MARCHF3: variants seen among roughly 807,000 people sequenced by gnomAD.
MARCHF3 encodes E3 ubiquitin-protein ligase MARCHF3.
Under a neutral mutation model 24.2 loss-of-function variants are expected in MARCHF3, and 13 were observed. The observed-to-expected ratio is 0.54, with a 90% CI of 0.35 to 0.85. The LOEUF (loss-of-function observed/expected upper bound fraction) is 0.85. Among genes scored for constraint, MARCHF3 ranks in the 40% least tolerant of loss-of-function variants. The probability of loss-of-function intolerance (pLI) is 0.01; values close to 1 mark genes in which losing one functional copy is unlikely to be tolerated. For missense variants in MARCHF3, 276 were observed against 325.0 expected, an observed-to-expected ratio of 0.85 and a Z score of 1.16; for synonymous variants, 144 against 137.3, an observed-to-expected ratio of 1.05 and a Z score of -0.34.
At position 126,942,565 on chromosome 5, in the gene MARCHF3, A is replaced by G. The variant is rs543961588; in HGVS notation, c.-56-24338T>C. ...ATAAAGACATATAAATAAAATACAGAGAAATAACTATACACCAGACACAAT... is the reference window on the plus strand; with the variant it reads ...ATAAAGACATATAAATAAAATACAGGGAAATAACTATACACCAGACACAAT... On this transcript the variant is annotated intron_variant, in intron 1 of 4. Transcript: ENST00000308660. Among the ~76,000 whole-genome samples the G allele has an allele frequency of 2.2e-4, 33 of 152,362 alleles. No individual in the cohort carries two copies. In the South Asian group the frequency reaches 6.6e-3, roughly 31 times the overall value.
At chr5:126,989,529 G>C (rs1053695850) in intron 1 of MARCHF3, among the ~76,000 whole-genome samples, 2 of 152,042 alleles carry the variant, frequency 1.3e-5, no homozygotes, top group Non-Finnish European at 2.9e-5. Flanking sequence ...AATCTTGTTC[G>C]TGTCTAAGTG....
intron 3 of MARCHF3, among the ~76,000 whole-genome samples, chr5:126,900,137 T>A (rs892847281): frequency 2.6e-5 from 4 of 151,702 alleles, no homozygotes; most frequent in Non-Finnish European, 5.9e-5. Flanking sequence ...TTACTCATAA[T>A]TTTTTTTTCC....
chr5:126,916,130 C>T (rs1179044269), intron 2 of MARCHF3, among the ~76,000 whole-genome samples: 1 of 152,174 alleles, frequency 6.6e-6, no homozygotes, highest in Non-Finnish European at 1.5e-5. Flanking sequence ...ATAACTTGGC[C>T]CTCATCAGGT....
chr5:126,996,986 A>G (rs1482562259), intron 1 of MARCHF3, among the ~76,000 whole-genome samples: 1 of 152,162 alleles, frequency 6.6e-6, no homozygotes, highest in Admixed American at 6.5e-5. Flanking sequence ...TGAGGATAAG[A>G]GAAAGCAAAA....
chr5:126,886,927 T>A (rs925302469), intron 3 of MARCHF3, among the ~76,000 whole-genome samples: 76 of 152,304 alleles, frequency 5.0e-4, no homozygotes, highest in African/African-American at 1.8e-3. Context: ...ATGCTCTCAA[T>A]TCTTCCAGAA....
At chr5:126,900,006 A>G (rs1444109057) in intron 3 of MARCHF3, among the ~76,000 whole-genome samples, 1 of 152,112 alleles carries the variant, frequency 6.6e-6, no homozygotes, top group African/African-American at 2.4e-5. Context: ...TGAATCCACC[A>G]TTATAGTGCA....
intron 1 of MARCHF3, among the ~76,000 whole-genome samples, chr5:127,022,521 G>C (rs1752836867): frequency 6.6e-6 from 1 of 152,168 alleles, no homozygotes; most frequent in African/African-American, 2.4e-5. Context: ...TTAATAGTTA[G>C]GACACTGAAA....
At chr5:126,882,904 A>G (rs1168711473) in intron 3 of MARCHF3, among the ~76,000 whole-genome samples, 2 of 152,194 alleles carry the variant, frequency 1.3e-5, no homozygotes, top group East Asian at 1.9e-4. Context: ...AATAACTTAC[A>G]CAAGATTGGT....
intron 1 of MARCHF3, among the ~76,000 whole-genome samples, chr5:126,921,600 A>G (rs1415899794): frequency 6.6e-6 from 1 of 152,244 alleles, no homozygotes; most frequent in African/African-American, 2.4e-5. Context: ...TGGGTCTTCT[A>G]TTGAGCTTTC....
chr5:126,965,798 G>A (rs567730706), intron 1 of MARCHF3, among the ~76,000 whole-genome samples: 104 of 152,264 alleles, frequency 6.8e-4, no homozygotes, highest in African/African-American at 2.5e-3. Flanking sequence ...ATAAAATGGT[G>A]CAACTGTCTG....
intron 3 of MARCHF3, among the ~76,000 whole-genome samples, chr5:126,897,968 A>T (rs1580615065): frequency 6.6e-6 from 1 of 152,108 alleles, no homozygotes; most frequent in Non-Finnish European, 1.5e-5. Context: ...GTAGGATTCC[A>T]TTCATAGGAA....
intron 1 of MARCHF3, among the ~76,000 whole-genome samples, chr5:127,027,494 A>G (rs1055431256): frequency 9.9e-5 from 15 of 152,214 alleles, no homozygotes; most frequent in African/African-American, 2.4e-4. Context: ...TAGGACTGGC[A>G]AAGTCACCCC....
intron 1 of MARCHF3, among the ~76,000 whole-genome samples, chr5:126,930,609 G>T (rs951260689): frequency 1.3e-5 from 2 of 152,224 alleles, no homozygotes; most frequent in African/African-American, 4.8e-5. Context: ...GGTGCCATGT[G>T]GCAGAACCAT....
intron 1 of MARCHF3, among the ~76,000 whole-genome samples, chr5:126,944,319 T>G (rs1211680282): frequency 6.6e-6 from 1 of 151,946 alleles, no homozygotes; most frequent in African/African-American, 2.4e-5. Flanking sequence ...GGCTTTCATC[T>G]GGGCACGGTG....
At chr5:126,923,765 ACATCT>A (rs1333441987) in intron 1 of MARCHF3, among the ~76,000 whole-genome samples, 1 of 152,246 alleles carries the variant, frequency 6.6e-6, no homozygotes, top group Non-Finnish European at 1.5e-5. Flanking sequence ...TTAAGAGGGT[ACATCT>A]CATGTTAAGT....
chr5:126,981,262 C>T (rs1751384529), intron 1 of MARCHF3, among the ~76,000 whole-genome samples: 2 of 152,184 alleles, frequency 1.3e-5, no homozygotes, highest in East Asian at 1.9e-4. Context: ...AATAATGGAA[C>T]CTCTCCTAGT....
intron 4 of MARCHF3, among the ~76,000 whole-genome samples, chr5:126,875,722 A>G (rs1206895182): frequency 1.3e-5 from 2 of 152,076 alleles, no homozygotes; most frequent in East Asian, 3.9e-4. Context: ...TTTGCATTCT[A>G]TAAAGGGCAG....
chr5:126,900,893 G>C (rs1394975247), intron 3 of MARCHF3, among the ~76,000 whole-genome samples: 2 of 151,694 alleles, frequency 1.3e-5, no homozygotes, highest in African/African-American at 2.4e-5. Context: ...GTAGAGACAG[G>C]GTTTCACCAT....
At chr5:126,895,800 C>G (rs1285206770) in intron 3 of MARCHF3, among the ~76,000 whole-genome samples, 1 of 152,294 alleles carries the variant, frequency 6.6e-6, no homozygotes, top group South Asian at 2.1e-4. Flanking sequence ...GTGGAGCCTA[C>G]AGAGGCAGGC....
Sources: gnomAD v4.1 joint callset for allele counts (sites outside exome capture counted in the v4.1 genomes callset) on GRCh38, gnomAD v4.1.1 for gene constraint, MANE v1.5 for transcripts, NCBI Gene and HGNC (gene_info 2026-07-23, HGNC 2026-07-21) for gene names.